The following GRID1 variants were observed in gnomAD, a reference collection of about 807,000 sequenced individuals.
GRID1 encodes glutamate receptor ionotropic, delta-1.
GRID1 carries 28 observed loss-of-function variants against 98.0 expected under a neutral mutation model. The ratio of observed to expected loss-of-function variants is 0.29; its 90% CI spans 0.21 to 0.39. GRID1 has a LOEUF of 0.39. Among genes scored for constraint, GRID1 ranks in the 10% least tolerant of loss-of-function variants. The probability of loss-of-function intolerance (pLI) is 1.00; values close to 1 mark genes in which losing one functional copy is unlikely to be tolerated. For synonymous variants in GRID1, 553 were observed against 538.5 expected (o/e 1.03, Z -0.37); for missense variants, 1,111 against 1,340.5 (o/e 0.83, Z 2.67).
chr10:86,146,170 T>C (rs1653698137), intron 3 of GRID1, among the ~76,000 whole-genome samples: 2 of 152,192 alleles, frequency 1.3e-5, no homozygotes, highest in South Asian at 2.1e-4. Flanking sequence ...ATCTGTAATG[T>C]ACATATATAT....
Position 85,886,581 on chromosome 10 carries a change from T to C in GRID1, c.781-17401A>G, listed in dbSNP as rs569673148. Among the ~76,000 whole-genome samples, 198 of 152,294 alleles carry C rather than the reference T, an allele frequency of 1.3e-3. 1 individual carries two copies. The highest frequency in any genetic ancestry group is 1.8e-3 in the Non-Finnish European group (125 of 68,006). On this transcript the variant is annotated intron_variant, in intron 5 of 15. Coordinates refer to ENST00000327946, the MANE Select transcript of GRID1 (RefSeq NM_017551.3). ...ATGATGGACATGTGGGTGTTTGTTATATTACTCTCTGTATCTTTTAAGCTT... is the reference window on the plus strand; with the variant it reads ...ATGATGGACATGTGGGTGTTTGTTACATTACTCTCTGTATCTTTTAAGCTT...
intron 12 of GRID1, among the ~76,000 whole-genome samples, chr10:85,660,190 T>A (rs1487739053): frequency 2.0e-5 from 3 of 152,228 alleles, no homozygotes; most frequent in Non-Finnish European, 4.4e-5. Flanking sequence ...CTGCAATGCC[T>A]GGGGGGCATC....
At chr10:86,163,408 CTTT>C (rs35437843) in intron 3 of GRID1, among the ~76,000 whole-genome samples, 3 of 138,424 alleles carry the variant, frequency 2.2e-5, no homozygotes, top group Admixed American at 7.2e-5. Context: ...TGACGCATTT[CTTT>C]TTTTTTTTTT....
At chr10:85,839,694 A>G (rs1245956868) in intron 8 of GRID1, among the ~76,000 whole-genome samples, 1 of 152,208 alleles carries the variant, frequency 6.6e-6, no homozygotes, top group Non-Finnish European at 1.5e-5. Flanking sequence ...TAACAACCTA[A>G]CATCACAACT....
chr10:85,728,746 G>C (rs117323859), intron 9 of GRID1, among the ~76,000 whole-genome samples: 396 of 152,276 alleles, frequency 2.6e-3, no homozygotes, highest in Non-Finnish European at 4.8e-3. Flanking sequence ...TTGGCAAACA[G>C]CTCCAGGGAG....
intron 4 of GRID1, among the ~76,000 whole-genome samples, chr10:86,087,292 G>A (rs923516824): frequency 6.6e-6 from 1 of 151,816 alleles, no homozygotes; most frequent in African/African-American, 2.4e-5. Flanking sequence ...TGTGTAATAT[G>A]TTAGTATGCC....
intron 4 of GRID1, among the ~76,000 whole-genome samples, chr10:85,982,532 T>C (rs1399277843): frequency 6.6e-6 from 1 of 151,982 alleles, no homozygotes; most frequent in Admixed American, 6.6e-5. Context: ...ATGGGGAGTA[T>C]TGCGGGAGTA....
chr10:85,619,741 A>G (rs934272042), intron 14 of GRID1, 126 bp downstream of exon 14: 3 of 713,482 alleles, frequency 4.2e-6, no homozygotes, highest in Admixed American at 2.4e-5. Flanking sequence ...GGGACATAGT[A>G]TGTGCTTGGG....
chr10:85,915,566 TCACA>T (rs1433035923), intron 5 of GRID1, among the ~76,000 whole-genome samples: 1 of 151,210 alleles, frequency 6.6e-6, no homozygotes, highest in Non-Finnish European at 1.5e-5. Context: ...CACATACCTG[TCACA>T]CACTCAAACA....
At chr10:86,181,462 C>T (rs1196749043) in intron 3 of GRID1, among the ~76,000 whole-genome samples, 1 of 152,204 alleles carries the variant, frequency 6.6e-6, no homozygotes. Context: ...CCCGCTAGTA[C>T]ATGGGAACAG....
chr10:85,744,036 T>C (rs989521935), intron 8 of GRID1, among the ~76,000 whole-genome samples: 11 of 151,990 alleles, frequency 7.2e-5, no homozygotes, highest in Non-Finnish European at 1.2e-4. Flanking sequence ...TAGCAGAAAA[T>C]TCCAAAATAA....
In GRID1 at chr10:85,656,709, C is replaced by T. The variant is rs1251950692; in HGVS notation, c.1998-9312G>A. Among the ~76,000 whole-genome samples the T allele has an allele frequency of 3.3e-5, 5 of 152,296 alleles. No homozygotes were observed. The East Asian group carries it at 5.8e-4, about 18-fold the overall frequency. Reference sequence around the variant, plus strand: ...ACTGACCCTTCTCTTTCTTATGTATCGCACATACAAATTTCAGCATTTCCT... The same window carrying T: ...ACTGACCCTTCTCTTTCTTATGTATTGCACATACAAATTTCAGCATTTCCT... On this transcript the variant is annotated intron_variant, in intron 12 of 15. Coordinates refer to ENST00000327946, the MANE Select transcript of GRID1 (RefSeq NM_017551.3).
intron 13 of GRID1, among the ~76,000 whole-genome samples, chr10:85,639,265 C>T (rs1431017684): frequency 2.0e-5 from 3 of 152,280 alleles, no homozygotes; most frequent in East Asian, 3.9e-4. Flanking sequence ...CTGATATGCA[C>T]AACTCCATGA....
chr10:86,215,244 C>G (rs550566216), intron 2 of GRID1, among the ~76,000 whole-genome samples: 4 of 152,116 alleles, frequency 2.6e-5, no homozygotes, highest in African/African-American at 9.7e-5. Flanking sequence ...GGAGCAGAGC[C>G]GAATGGTCCT....
chr10:86,318,090 C>A (rs957709511), intron 2 of GRID1, among the ~76,000 whole-genome samples: 1 of 151,860 alleles, frequency 6.6e-6, no homozygotes, highest in African/African-American at 2.4e-5. Context: ...GCTCCCCAAG[C>A]AGAAAAAAAG....
chr10:85,721,763 G>A (rs528397178), intron 12 of GRID1, among the ~76,000 whole-genome samples: 1 of 152,276 alleles, frequency 6.6e-6, no homozygotes, highest in East Asian at 1.9e-4. Flanking sequence ...TGTGGTGATA[G>A]ATCTGTTCAG....
intron 12 of GRID1, among the ~76,000 whole-genome samples, chr10:85,649,317 G>A (rs1356550136): frequency 1.3e-5 from 2 of 152,110 alleles, no homozygotes; most frequent in Non-Finnish European, 2.9e-5. Flanking sequence ...CTCAGTATTC[G>A]TTTCAATACA....
chr10:85,652,398 G>A (rs923893848), intron 12 of GRID1, among the ~76,000 whole-genome samples: 8 of 152,328 alleles, frequency 5.3e-5, no homozygotes, highest in African/African-American at 1.9e-4. Context: ...TTCAGTATAC[G>A]TAAAACGGAT....
chr10:86,081,429 C>T (rs1485997753), intron 4 of GRID1, among the ~76,000 whole-genome samples: 6 of 152,140 alleles, frequency 3.9e-5, no homozygotes, highest in East Asian at 1.9e-4. Context: ...AAGGAGCACA[C>T]GGTGTTTCTG....
Sources: allele counts gnomAD v4.1 joint callset (sites outside exome capture counted in the v4.1 genomes callset), GRCh38; gene constraint gnomAD v4.1.1; transcripts MANE v1.5; gene names NCBI Gene and HGNC (gene_info 2026-07-23, HGNC 2026-07-21).